The following CAMTA1 variants were observed in gnomAD, a reference collection of about 807,000 sequenced individuals.
CAMTA1 encodes calmodulin-binding transcription activator 1.
Under a neutral mutation model 170.9 loss-of-function variants are expected in CAMTA1, and 27 were observed. That is an observed-to-expected ratio of 0.16 (90% CI 0.12 to 0.22). The LOEUF is 0.22. CAMTA1 is among the 10% of genes least tolerant of loss of function. CAMTA1 has a pLI of 1.00. For missense variants in CAMTA1, 1,619 were observed against 2,217.2 expected (o/e 0.73, Z 5.42); for synonymous variants, 833 against 891.5 (o/e 0.93, Z 1.17).
intron 5 of CAMTA1, among the ~76,000 whole-genome samples, chr1:7,278,501 A>G (rs1027844659): frequency 2.6e-5 from 4 of 152,234 alleles, no homozygotes. Context: ...TTCAGGCATT[A>G]TCTGAATTTT....
At chr1:6,806,309 GTTC>G (rs140820048) in intron 1 of CAMTA1, among the ~76,000 whole-genome samples, 2,592 of 152,216 alleles carry the variant, frequency 0.017, 33 homozygotes, top group South Asian at 0.033. Context: ...CTTTAACTCT[GTTC>G]TTCTTTTTCA....
chr1:7,110,989 C>A (rs187882695), intron 4 of CAMTA1, among the ~76,000 whole-genome samples: 10 of 152,338 alleles, frequency 6.6e-5, no homozygotes, highest in Admixed American at 5.2e-4. Context: ...AGAAGGGCTG[C>A]GCTCCTTCTG....
chr1:6,928,362 G>A (rs957232210), intron 3 of CAMTA1, among the ~76,000 whole-genome samples: 3 of 152,194 alleles, frequency 2.0e-5, no homozygotes, highest in African/African-American at 7.2e-5. Context: ...ATAAGACAGG[G>A]AGTCTGAAGA....
At chr1:6,988,580 A>C (rs1695761346) in intron 3 of CAMTA1, among the ~76,000 whole-genome samples, 1 of 152,112 alleles carries the variant, frequency 6.6e-6, no homozygotes, top group African/African-American at 2.4e-5. Flanking sequence ...GAAGCAGAAA[A>C]AAGCCTTTTG....
At chr1:7,016,260 A>G (rs1365331832) in intron 3 of CAMTA1, among the ~76,000 whole-genome samples, 2 of 152,080 alleles carry the variant, frequency 1.3e-5, no homozygotes. Context: ...GGTTCCTTTC[A>G]GTGGCTGGGT....
At chr1:7,763,460 G>T (rs950908312) in intron 22 of CAMTA1, among the ~76,000 whole-genome samples, 1 of 152,190 alleles carries the variant, frequency 6.6e-6, no homozygotes, top group African/African-American at 2.4e-5. Flanking sequence ...CGTAGACATT[G>T]TACGTGGACA....
chr1:7,090,188 G>T (rs1273389892), intron 3 of CAMTA1, among the ~76,000 whole-genome samples: 1 of 152,110 alleles, frequency 6.6e-6, no homozygotes, highest in Non-Finnish European at 1.5e-5. Context: ...TGGCATCAGG[G>T]GCATTTTCTA....
At position 7,663,828 on chromosome 1, in the gene CAMTA1, C is replaced by T. The variant is rs1576685074; in HGVS notation, c.1281C>T (p.Ala427=). ...ACCACCACCTCCTCTCACCTGACGC[C>T]TCTCAGGGCCTCGTCCTGGCCGTGA... ...GPNHHLLSPD[A]SQGLVLAVSS... The change falls in exon 9 of 23, where the codon GCC becomes GCT. Residue 427 remains alanine (A), a synonymous_variant. Transcript: ENST00000303635. 6.2e-7 allele frequency: 1 copy of T among 1,614,168 alleles called. No homozygotes were observed. The highest frequency in any genetic ancestry group is 1.3e-5 in the African/African-American group (1 of 75,062).
intron 6 of CAMTA1, among the ~76,000 whole-genome samples, chr1:7,526,192 CG>C (rs2094429931): frequency 4.6e-5 from 7 of 152,002 alleles, no homozygotes. Flanking sequence ...GACAGAAGCA[CG>C]GGGAAGAGGT....
intron 6 of CAMTA1, among the ~76,000 whole-genome samples, chr1:7,540,075 C>T (rs575209571): frequency 1.3e-3 from 195 of 152,340 alleles, no homozygotes; most frequent in Non-Finnish European, 2.3e-3. Flanking sequence ...ACACACCCAA[C>T]GTTGTACATC....
At chr1:7,558,963 G>A (rs1404423942) in intron 6 of CAMTA1, among the ~76,000 whole-genome samples, 1 of 152,206 alleles carries the variant, frequency 6.6e-6, no homozygotes, top group Non-Finnish European at 1.5e-5. Flanking sequence ...AAAGGGCTGG[G>A]TCTCGGACCC....
At chr1:6,993,577 G>A (rs1696724751) in intron 3 of CAMTA1, among the ~76,000 whole-genome samples, 1 of 152,212 alleles carries the variant, frequency 6.6e-6, no homozygotes, top group Admixed American at 6.5e-5. Context: ...AATTATGATT[G>A]TAATGCCTCC....
intron 5 of CAMTA1, among the ~76,000 whole-genome samples, chr1:7,407,157 C>T (rs1353558677): frequency 1.3e-5 from 2 of 152,204 alleles, no homozygotes; most frequent in African/African-American, 2.4e-5. Context: ...GCCGCTCGGC[C>T]CCATGCATAG....
chr1:7,740,095 A>G (rs769850807), intron 16 of CAMTA1, among the ~76,000 whole-genome samples: 3 of 152,224 alleles, frequency 2.0e-5, no homozygotes, highest in East Asian at 1.9e-4. Flanking sequence ...ACAGTTCAAC[A>G]TGAGATTTTG....
intron 16 of CAMTA1, among the ~76,000 whole-genome samples, chr1:7,742,501 C>G (rs947993376): frequency 2.6e-5 from 4 of 152,112 alleles, no homozygotes; most frequent in African/African-American, 7.2e-5. Context: ...TGCTCATATA[C>G]TAGGACACGA....
chr1:7,709,177 C>G (rs2096550494), intron 11 of CAMTA1, among the ~76,000 whole-genome samples: 1 of 152,010 alleles, frequency 6.6e-6, no homozygotes, highest in Non-Finnish European at 1.5e-5. Context: ...TTTTTTTCTC[C>G]CCTCCCAGAT....
At chr1:7,015,009 A>C (rs929268827) in intron 3 of CAMTA1, among the ~76,000 whole-genome samples, 1 of 152,174 alleles carries the variant, frequency 6.6e-6, no homozygotes, top group African/African-American at 2.4e-5. Flanking sequence ...CTATTATTCC[A>C]AGTCAAGAAA....
At chr1:6,994,098 A>G (rs576848589) in intron 3 of CAMTA1, among the ~76,000 whole-genome samples, 46 of 152,212 alleles carry the variant, frequency 3.0e-4, no homozygotes, top group African/African-American at 9.9e-4. Flanking sequence ...TCTTGCAACT[A>G]TATTGTTTAT....
At chr1:7,517,738 T>C (rs938659818) in intron 6 of CAMTA1, among the ~76,000 whole-genome samples, 3 of 151,972 alleles carry the variant, frequency 2.0e-5, no homozygotes, top group African/African-American at 7.3e-5. Flanking sequence ...CTGTCTACCA[T>C]GTCTGGGCAT....
Sources: gnomAD v4.1 joint callset for allele counts (sites outside exome capture counted in the v4.1 genomes callset) on GRCh38, gnomAD v4.1.1 for gene constraint, MANE v1.5 for transcripts, NCBI Gene and HGNC (gene_info 2026-07-23, HGNC 2026-07-21) for gene names.